NRG1: variants seen among roughly 807,000 people sequenced by gnomAD.
NRG1 encodes pro-neuregulin-1, membrane-bound isoform.
Under a neutral mutation model 63.8 loss-of-function variants are expected in NRG1, and 18 were observed. The ratio of observed to expected loss-of-function variants is 0.28; its 90% CI spans 0.19 to 0.42. NRG1 has a LOEUF of 0.42. Ranked by LOEUF, NRG1 falls within the 10% of genes least tolerant of loss-of-function variation. The pLI is 1.00. For missense variants in NRG1, 762 were observed against 814.7 expected (o/e 0.94, Z 0.79); for synonymous variants, 302 against 301.3 (o/e 1.00, Z -0.02).
At chr8:32,016,039 G>A (rs1329877321) in intron 1 of NRG1, among the ~76,000 whole-genome samples, 1 of 152,086 alleles carries the variant, frequency 6.6e-6, no homozygotes, top group Non-Finnish European at 1.5e-5. Context: ...AGTCTGAAAT[G>A]AAACACTTAG....
intron 6 of NRG1, among the ~76,000 whole-genome samples, chr8:32,732,763 A>C (rs992561067): frequency 6.9e-6 from 1 of 144,798 alleles, no homozygotes; most frequent in African/African-American, 2.6e-5. Context: ...AAATATATAC[A>C]CCTGTTTTAA....
chr8:32,444,585 G>C (rs998015637), intron 1 of NRG1, among the ~76,000 whole-genome samples: 1 of 152,198 alleles, frequency 6.6e-6, no homozygotes, highest in Admixed American at 6.5e-5. Flanking sequence ...CAGTTGACTT[G>C]TTAGTGGATT....
At chr8:31,965,776 G>T (rs1194703129) in intron 1 of NRG1, among the ~76,000 whole-genome samples, 2 of 152,036 alleles carry the variant, frequency 1.3e-5, no homozygotes, top group Non-Finnish European at 2.9e-5. Flanking sequence ...GCTTTAAATT[G>T]CATTTCCATG....
chr8:32,743,291 G>A (rs1374118963), intron 7 of NRG1: 1 of 908,880 alleles, frequency 1.1e-6, no homozygotes. Flanking sequence ...AAAGCATCAA[G>A]TAGGAAAATT....
At chr8:32,012,221 C>A (rs761355435) in intron 1 of NRG1, among the ~76,000 whole-genome samples, 8 of 152,090 alleles carry the variant, frequency 5.3e-5, no homozygotes, top group Non-Finnish European at 8.8e-5. Context: ...TTTTGTTTCA[C>A]TGAAGCTGCT....
At chr8:32,610,304 T>C (rs1398114339) in intron 3 of NRG1, among the ~76,000 whole-genome samples, 1 of 152,164 alleles carries the variant, frequency 6.6e-6, no homozygotes, top group East Asian at 1.9e-4. Flanking sequence ...TGTTCCAACA[T>C]GTTTAGAACA....
intron 1 of NRG1, among the ~76,000 whole-genome samples, chr8:32,452,170 A>G (rs1821039148): frequency 6.6e-6 from 1 of 152,156 alleles, no homozygotes; most frequent in Non-Finnish European, 1.5e-5. Context: ...ATAAACATTT[A>G]ATTGACTGTC....
chr8:31,722,837 AG>A (rs1813056102), intron 1 of NRG1, among the ~76,000 whole-genome samples: 3 of 152,142 alleles, frequency 2.0e-5, no homozygotes, highest in Admixed American at 2.0e-4. Flanking sequence ...CTTTTTTTAT[AG>A]TTAAAAATGT....
chr8:31,912,826 T>C (rs1189631449), intron 1 of NRG1, among the ~76,000 whole-genome samples: 1 of 152,102 alleles, frequency 6.6e-6, no homozygotes, highest in Non-Finnish European at 1.5e-5. Flanking sequence ...TTAAACCCAG[T>C]CTCCATTATT....
intron 1 of NRG1, among the ~76,000 whole-genome samples, chr8:32,424,904 C>A (rs1347607367): frequency 8.6e-5 from 13 of 151,432 alleles, no homozygotes; most frequent in Admixed American, 7.9e-4. Flanking sequence ...AACAAAAAAA[C>A]AAAAAAAATT....
intron 1 of NRG1, among the ~76,000 whole-genome samples, chr8:32,454,944 G>A (rs977252377): frequency 4.6e-5 from 7 of 152,100 alleles, no homozygotes; most frequent in Non-Finnish European, 8.8e-5. Flanking sequence ...AAGTTTAGAT[G>A]TATAAATACT....
intron 1 of NRG1, among the ~76,000 whole-genome samples, chr8:32,497,671 G>A (rs114174205): frequency 0.1 from 15,582 of 152,058 alleles, 2,043 homozygotes; most frequent in East Asian, 0.62. Context: ...GAACTAACAT[G>A]TGTACGTGAC....
intron 1 of NRG1, among the ~76,000 whole-genome samples, chr8:31,776,560 T>G (rs1586329560): frequency 6.6e-6 from 1 of 152,214 alleles, no homozygotes; most frequent in South Asian, 2.1e-4. Flanking sequence ...TTATTATACT[T>G]TAAGTTTTAG....
chr8:32,172,356 C>T (rs1169952530), intron 1 of NRG1, among the ~76,000 whole-genome samples: 1 of 152,180 alleles, frequency 6.6e-6, no homozygotes, highest in African/African-American at 2.4e-5. Context: ...ACATCACCAT[C>T]ATCAAAGACC....
At chr8:31,677,918 A>C (rs903163855) in intron 1 of NRG1, among the ~76,000 whole-genome samples, 2 of 152,034 alleles carry the variant, frequency 1.3e-5, no homozygotes, top group Non-Finnish European at 2.9e-5. Context: ...TCTTTGGTAA[A>C]ATATACCTCA....
intron 1 of NRG1, among the ~76,000 whole-genome samples, chr8:31,813,529 T>TTTTTTTTTTTTTTTTTTTG (rs1554540804): frequency 7.1e-6 from 1 of 140,680 alleles, no homozygotes; most frequent in African/African-American, 2.6e-5. Flanking sequence ...TTTTTTTTTT[T>TTTTTTTTTTTTTTTTTTTG]TTTTGTTTTT....
chr8:32,725,464 A>ATTTTTTTT (rs71209904), intron 5 of NRG1, among the ~76,000 whole-genome samples: 1,559 of 67,582 alleles, frequency 0.023, 110 homozygotes, highest in Non-Finnish European at 0.03. Context: ...AAACTTCCTA[A>ATTTTTTTT]TTTTTTTTTT....
At chr8:32,721,979 C>T (rs1180047843) in intron 5 of NRG1, 2 of 1,544,948 alleles carry the variant, frequency 1.3e-6, no homozygotes, top group African/African-American at 2.8e-5. Context: ...GATTTTTTAA[C>T]TGGACTTCAA....
intron 1 of NRG1, among the ~76,000 whole-genome samples, chr8:32,302,158 T>A (rs1034261057): frequency 2.1e-4 from 32 of 152,216 alleles, no homozygotes; most frequent in Admixed American, 7.2e-4. Context: ...AGTTTCGTCA[T>A]GTTATGGTCT....
Sources: gnomAD v4.1 joint callset for allele counts (sites outside exome capture counted in the v4.1 genomes callset) on GRCh38, gnomAD v4.1.1 for gene constraint, MANE v1.5 for transcripts, NCBI Gene and HGNC (gene_info 2026-07-23, HGNC 2026-07-21) for gene names.